PXDN: variants seen among roughly 807,000 people sequenced by gnomAD.
PXDN encodes peroxidasin.
PXDN carries 77 observed loss-of-function variants against 140.3 expected under a neutral mutation model. The observed-to-expected ratio is 0.55, with a 90% CI of 0.46 to 0.66. The LOEUF is 0.66. PXDN is among the 30% of genes least tolerant of loss of function. PXDN has a pLI of 0.00. For synonymous variants in PXDN, 911 were observed against 857.4 expected (o/e 1.06, Z -1.09); for missense variants, 1,838 against 2,039.5 (o/e 0.90, Z 1.90).
At chr2:1,740,043 C>A (rs1338399613) in intron 1 of PXDN, among the ~76,000 whole-genome samples, 1 of 152,218 alleles carries the variant, frequency 6.6e-6, no homozygotes, top group Non-Finnish European at 1.5e-5. Context: ...CACTCACACC[C>A]GGGACCACTG....
chr2:1,665,424 T>C (rs1475039326), intron 10 of PXDN, among the ~76,000 whole-genome samples: 2 of 152,194 alleles, frequency 1.3e-5, no homozygotes, highest in Non-Finnish European at 2.9e-5. Flanking sequence ...TATTTGCAAA[T>C]GCTTAAAAAA....
At chr2:1,740,742 G>A (rs1446748761) in intron 1 of PXDN, among the ~76,000 whole-genome samples, 1 of 152,212 alleles carries the variant, frequency 6.6e-6, no homozygotes, top group African/African-American at 2.4e-5. Flanking sequence ...ATGAGGGCAA[G>A]ATTCCGGTCT....
At chr2:1,707,616 C>T (rs778213844) in intron 1 of PXDN, among the ~76,000 whole-genome samples, 4 of 152,156 alleles carry the variant, frequency 2.6e-5, no homozygotes, top group Admixed American at 2.6e-4. Flanking sequence ...AAAAATGGAA[C>T]AAAAGAAATC....
At chr2:1,722,507 C>A (rs752150701) in intron 1 of PXDN, among the ~76,000 whole-genome samples, 1 of 152,204 alleles carries the variant, frequency 6.6e-6, no homozygotes, top group Non-Finnish European at 1.5e-5. Flanking sequence ...AAATCATTTT[C>A]TTTGGAGCTT....
At chr2:1,641,022 A>G (rs1682715428) in intron 19 of PXDN, among the ~76,000 whole-genome samples, 1 of 152,224 alleles carries the variant, frequency 6.6e-6, no homozygotes. Flanking sequence ...TGTGCTGCCC[A>G]GGCTGGCCAA....
chr2:1,666,590 T>C lies in PXDN; in HGVS notation c.1019-104A>G, dbSNP rs1683450480. 4.4e-6 allele frequency: 6 copies of C among 1,348,398 alleles called. No individual in the cohort carries two copies. In the South Asian group the frequency reaches 4.6e-5, roughly 10 times the overall value. The allele number at this position is 1,348,398 out of a possible 1,614,324, so 83.5% of individuals were successfully genotyped here. Reference sequence around the variant, plus strand: ...CTATTAATTCTATTTACCACCGAAATAGGCAAAACAAACACAACGTAACTG... The same window carrying C: ...CTATTAATTCTATTTACCACCGAAACAGGCAAAACAAACACAACGTAACTG... On this transcript the variant is annotated intron_variant, in intron 9 of 22. Transcript: ENST00000252804.
chr2:1,634,083 C>G lies in PXDN; in HGVS notation c.*121G>C. ...GCCTTCTGTAACAGCACCAGCTGGACGTTGTCATGAAATGTCACGAGTTCT... is the reference window on the plus strand; with the variant it reads ...GCCTTCTGTAACAGCACCAGCTGGAGGTTGTCATGAAATGTCACGAGTTCT... On this transcript the variant is annotated 3_prime_UTR_variant, in exon 23 of 23. Coordinates refer to ENST00000252804, the MANE Select transcript of PXDN (RefSeq NM_012293.3). The G allele has an allele frequency of 7.1e-7, 1 of 1,416,342 alleles. No homozygotes were observed. The highest frequency in any genetic ancestry group is 9.5e-7 in the Non-Finnish European group (1 of 1,051,394). 87.7% of individuals were successfully genotyped at this position (1,416,342 alleles called of 1,614,324 possible). A position where few individuals can be genotyped will look rare whatever the true frequency, so the allele number is the denominator to read the frequency against.
At position 1,632,669 on chromosome 2, in the gene PXDN, G is replaced by C. The variant is rs1180238537; in HGVS notation, c.*1535C>G. 1 of 152,236 alleles carries C rather than the reference G, an allele frequency of 6.6e-6. No individual in the cohort carries two copies. Among genetic ancestry groups the C allele is most frequent in the Admixed American group, 6.5e-5 (1 of 15,286 alleles). The allele number at this position is 152,236 out of a possible 1,614,324, so 9.4% of individuals were successfully genotyped here. A position where few individuals can be genotyped will look rare whatever the true frequency, so the allele number is the denominator to read the frequency against. ...GGGAGGATGTGCACCTGGAACACGGGTTGTGCACAAATCACACCAGGCACT... is the reference window on the plus strand; with the variant it reads ...GGGAGGATGTGCACCTGGAACACGGCTTGTGCACAAATCACACCAGGCACT... On this transcript the variant is annotated 3_prime_UTR_variant, in exon 23 of 23. Coordinates refer to ENST00000252804, the MANE Select transcript of PXDN (RefSeq NM_012293.3). This position sits in a 1 kb window ranked among gnomAD's most constrained non-coding sequence, Gnocchi z 4.3.
intron 1 of PXDN, among the ~76,000 whole-genome samples, chr2:1,695,931 C>T (rs1684291406): frequency 8.1e-6 from 1 of 122,894 alleles, no homozygotes; most frequent in South Asian, 3.3e-4. Context: ...CTGTCCCATC[C>T]ACAAGCCCCT....
Position 1,660,954 on chromosome 2 carries a change from G to A in PXDN, c.1764C>T (p.Asp588=), listed in dbSNP as rs558268059. 62 of 1,613,998 alleles carry A rather than the reference G, an allele frequency of 3.8e-5. No homozygotes were observed. In the East Asian group the frequency reaches 6.9e-4, roughly 18 times the overall value. Residue 588 remains aspartate, a synonymous_variant, in exon 14 of 23, where the codon GAC becomes GAT. Coordinates refer to ENST00000252804, the MANE Select transcript of PXDN (RefSeq NM_012293.3). The surrounding 1 kb of genome is among the most constrained non-coding windows in gnomAD (Gnocchi z 4.6). ...GGGCCACACACTCATAGCGACCTGC[G>A]TCTGCAGGGCCAACGTCATTGATGG... The part of the protein sequence containing the change: ...FLTINDVGPA[D]AGRYECVARN...
intron 1 of PXDN, among the ~76,000 whole-genome samples, chr2:1,742,850 T>C (rs1685578324): frequency 6.6e-6 from 1 of 152,318 alleles, no homozygotes; most frequent in South Asian, 2.1e-4. Context: ...GGAAGCAGCC[T>C]GCAAACTCGG....
At chr2:1,643,914 T>C (rs906253387) in intron 18 of PXDN, among the ~76,000 whole-genome samples, 2 of 151,028 alleles carry the variant, frequency 1.3e-5, no homozygotes, top group African/African-American at 4.9e-5. Context: ...CTACTAAAAC[T>C]ACAAAAAATT....
At chr2:1,698,385 A>G (rs1462675447) in intron 1 of PXDN, among the ~76,000 whole-genome samples, 1 of 152,126 alleles carries the variant, frequency 6.6e-6, no homozygotes, top group Non-Finnish European at 1.5e-5. Flanking sequence ...CCCAGAAATG[A>G]TAACTGTAGG....
At chr2:1,673,024 T>C (rs1363533432) in intron 9 of PXDN, among the ~76,000 whole-genome samples, 1 of 152,190 alleles carries the variant, frequency 6.6e-6, no homozygotes, top group Non-Finnish European at 1.5e-5. Context: ...AATGCCTCAA[T>C]CCGCTGTTCT....
At chr2:1,694,607 T>G (rs1572165930) in intron 1 of PXDN, among the ~76,000 whole-genome samples, 1 of 152,204 alleles carries the variant, frequency 6.6e-6, no homozygotes, top group African/African-American at 2.4e-5. Context: ...ACCAACAGTC[T>G]CCTCACACGC....
Position 1,653,637 on chromosome 2 carries a change from T to G in PXDN, c.2095A>C (p.Asn699His), listed in dbSNP as rs760762668. ...AGGCTTTGGCACTGACTTGTTCCGT[T>G]GAGGTCGACCATCAAGCCATGCTGT... is the stretch of plus-strand genomic sequence containing the variant. ...HVQHGLMVDL[N>H]GTSYHYNDLV... Residue 699 changes from asparagine to histidine, a missense_variant, in exon 16 of 23, where the codon AAC becomes CAC. Physicochemically the swap from Asn to His is moderately conservative, Grantham distance 68. This residue lies in a region of PXDN where 537 missense variants were observed against 583.9 expected (regional missense o/e 0.92). Coordinates refer to ENST00000252804, the MANE Select transcript of PXDN (RefSeq NM_012293.3). The G allele has an allele frequency of 8.1e-6, 13 of 1,612,782 alleles. No homozygotes were observed. The highest frequency in any genetic ancestry group is 1.0e-5 in the Non-Finnish European group (12 of 1,179,570).
chr2:1,675,151 C>T (rs955737009), intron 8 of PXDN, among the ~76,000 whole-genome samples: 1 of 152,148 alleles, frequency 6.6e-6, no homozygotes, highest in African/African-American at 2.4e-5. Flanking sequence ...AAGACTCTCT[C>T]TGATGTGGCC....
intron 7 of PXDN, among the ~76,000 whole-genome samples, chr2:1,678,669 A>G (rs1683788910): frequency 1.3e-5 from 2 of 152,228 alleles, no homozygotes; most frequent in Non-Finnish European, 2.9e-5. Context: ...CGCACAGCTC[A>G]GCAGAGCTGC....
intron 7 of PXDN, 33 bp downstream of exon 7, chr2:1,680,160 G>T: frequency 1.3e-6 from 2 of 1,525,032 alleles, no homozygotes; most frequent in Non-Finnish European, 1.8e-6. Context: ...TGGTGTGAGT[G>T]TGTGGATGGT....
Sources: gnomAD v4.1 joint callset for allele counts (sites outside exome capture counted in the v4.1 genomes callset) on GRCh38, gnomAD v4.1.1 for gene constraint, gnomAD v4.1.1 regional missense constraint, Gnocchi (gnomAD v3.1) non-coding constraint, MANE v1.5 for transcripts, NCBI Gene and HGNC (gene_info 2026-07-23, HGNC 2026-07-21) for gene names.